The following PRKCE variants were observed in gnomAD, a reference collection of about 807,000 sequenced individuals.
PRKCE encodes the protein protein kinase C epsilon type.
In PRKCE, 16 loss-of-function variants were observed where a neutral mutation model predicts 85.4. That is an observed-to-expected ratio of 0.19 (90% CI 0.13 to 0.28). PRKCE has a LOEUF of 0.28. Among genes scored for constraint, PRKCE ranks in the 10% least tolerant of loss-of-function variants. The pLI is 1.00. For synonymous variants in PRKCE, 388 were observed against 371.5 expected (o/e 1.04, Z -0.51); for missense variants, 573 against 975.2 (o/e 0.59, Z 5.49).
At chr2:45,929,334 G>A (rs891784341) in intron 2 of PRKCE, among the ~76,000 whole-genome samples, 2 of 152,168 alleles carry the variant, frequency 1.3e-5, no homozygotes, top group Non-Finnish European at 2.9e-5. Context: ...GAGCGATAGC[G>A]GAGCCGTTCC....
intron 1 of PRKCE, among the ~76,000 whole-genome samples, chr2:45,666,278 C>G (rs1344060709): frequency 1.3e-5 from 2 of 152,092 alleles, no homozygotes; most frequent in Non-Finnish European, 2.9e-5. Flanking sequence ...TCCCTGGAAT[C>G]CAGGGGATTT....
intron 1 of PRKCE, among the ~76,000 whole-genome samples, chr2:45,659,690 C>A (rs1675545893): frequency 6.6e-6 from 1 of 152,162 alleles, no homozygotes; most frequent in Non-Finnish European, 1.5e-5. Context: ...TTACCCTTGC[C>A]ATCCCATTTT....
chr2:46,090,229 A>T (rs754593076), intron 11 of PRKCE, among the ~76,000 whole-genome samples: 9 of 152,090 alleles, frequency 5.9e-5, no homozygotes, highest in Non-Finnish European at 1.0e-4. Flanking sequence ...GGAGTTCAGG[A>T]ATTTGTATTT....
intron 2 of PRKCE, among the ~76,000 whole-genome samples, chr2:45,951,192 T>C (rs571304623): frequency 6.6e-5 from 10 of 152,302 alleles, no homozygotes; most frequent in South Asian, 2.1e-4. Context: ...CCCAGTGGAA[T>C]TGGGGAGTGG....
At chr2:45,891,255 G>A (rs752657835) in intron 2 of PRKCE, among the ~76,000 whole-genome samples, 3 of 152,186 alleles carry the variant, frequency 2.0e-5, no homozygotes, top group Non-Finnish European at 2.9e-5. Flanking sequence ...CAGAAAGAGC[G>A]ACCAGAAATG....
intron 10 of PRKCE, among the ~76,000 whole-genome samples, chr2:46,038,848 T>A (rs191030875): frequency 1.5e-4 from 23 of 152,354 alleles, no homozygotes; most frequent in Admixed American, 1.1e-3. Flanking sequence ...TTTTTCTTAA[T>A]GTTGATTGAG....
chr2:45,860,991 G>A (rs1317578302), intron 2 of PRKCE, among the ~76,000 whole-genome samples: 1 of 152,198 alleles, frequency 6.6e-6, no homozygotes, highest in Non-Finnish European at 1.5e-5. Flanking sequence ...TGATGCCAGC[G>A]CTTGTGTGCT....
intron 1 of PRKCE, among the ~76,000 whole-genome samples, chr2:45,840,070 G>C (rs1343954611): frequency 6.6e-6 from 1 of 152,128 alleles, no homozygotes; most frequent in Non-Finnish European, 1.5e-5. Context: ...GCCTGCCTTT[G>C]GATAGGCCCC....
chr2:45,766,898 G>T (rs769864171), intron 1 of PRKCE, among the ~76,000 whole-genome samples: 6 of 152,102 alleles, frequency 3.9e-5, no homozygotes, highest in Non-Finnish European at 8.8e-5. Context: ...AAAATTAGCC[G>T]GGCATGATGG....
Position 46,185,051 on chromosome 2 carries a change from C to T in PRKCE, c.*170C>T. 1.1e-6 allele frequency: 1 copy of T among 889,996 alleles called. No homozygotes were observed. Among genetic ancestry groups the T allele is most frequent in the Non-Finnish European group, 1.7e-6 (1 of 599,062 alleles). 55.1% of individuals were successfully genotyped at this position (889,996 alleles called of 1,614,324 possible). A position where few individuals can be genotyped will look rare whatever the true frequency, so the allele number is the denominator to read the frequency against. On this transcript the variant is annotated 3_prime_UTR_variant, in exon 15 of 15. Transcript: ENST00000306156. This position sits in a 1 kb window ranked among gnomAD's most constrained non-coding sequence, Gnocchi z 4.7. ...TGCCCCAGGCCACCTCCTCCCCCTCCCACCTGGTGACCAGAAGGCGCTCTC... is the reference window on the plus strand; with the variant it reads ...TGCCCCAGGCCACCTCCTCCCCCTCTCACCTGGTGACCAGAAGGCGCTCTC...
At chr2:46,172,294 T>C (rs1678988158) in intron 14 of PRKCE, among the ~76,000 whole-genome samples, 1 of 152,174 alleles carries the variant, frequency 6.6e-6, no homozygotes, top group Non-Finnish European at 1.5e-5. Context: ...TAGCGACATA[T>C]CCAGGCCATT....
intron 6 of PRKCE, among the ~76,000 whole-genome samples, chr2:45,995,843 T>G (rs1227174739): frequency 3.3e-5 from 5 of 152,216 alleles, no homozygotes. Flanking sequence ...TTGGGTCTTT[T>G]GCCTGGGTCT....
intron 1 of PRKCE, among the ~76,000 whole-genome samples, chr2:45,720,790 G>A (rs1376932171): frequency 1.3e-5 from 2 of 152,160 alleles, no homozygotes; most frequent in African/African-American, 2.4e-5. Context: ...GGGCTCAAGA[G>A]CGTTACTACT....
At chr2:46,181,296 A>T (rs1239983002) in intron 14 of PRKCE, among the ~76,000 whole-genome samples, 4 of 152,162 alleles carry the variant, frequency 2.6e-5, no homozygotes, top group Non-Finnish European at 5.9e-5. Context: ...TAACAGTTAG[A>T]GATTGCACAT....
chr2:45,763,428 T>G (rs1684672508), intron 1 of PRKCE, among the ~76,000 whole-genome samples: 1 of 152,172 alleles, frequency 6.6e-6, no homozygotes, highest in Admixed American at 6.5e-5. Context: ...TGAAATGATT[T>G]CATAACATTT....
At chr2:45,882,725 C>T (rs375346098) in intron 2 of PRKCE, among the ~76,000 whole-genome samples, 16 of 152,354 alleles carry the variant, frequency 1.1e-4, no homozygotes, top group African/African-American at 3.6e-4. Flanking sequence ...AGACAGGGAA[C>T]AGAAAGGAGC....
At chr2:46,106,681 C>A (rs899091833) in intron 11 of PRKCE, among the ~76,000 whole-genome samples, 1 of 152,216 alleles carries the variant, frequency 6.6e-6, no homozygotes, top group African/African-American at 2.4e-5. Flanking sequence ...GGTGTCTTTT[C>A]TGTGTGTCTG....
At chr2:45,656,346 A>G (rs926114697) in intron 1 of PRKCE, among the ~76,000 whole-genome samples, 1 of 152,218 alleles carries the variant, frequency 6.6e-6, no homozygotes, top group Admixed American at 6.5e-5. Flanking sequence ...CTTCGGAAAC[A>G]TTGGAGTAGG....
rs565454610 is a variant in PRKCE at position 46,166,912 on chromosome 2, G to C, written c.2067+7160G>C. 3.9e-5 allele frequency: 6 copies of C among 152,238 alleles called. 1 individual carries two copies. The highest frequency in any genetic ancestry group is 1.4e-4 in the African/African-American group (6 of 41,524). 9.4% of individuals were successfully genotyped at this position (152,238 alleles called of 1,614,324 possible). On this transcript the variant is annotated intron_variant, in intron 14 of 14. Coordinates refer to ENST00000306156, the MANE Select transcript of PRKCE (RefSeq NM_005400.3). ...AGGCTGGGGTGGGAGGATCGCTTGA[G>C]CTCAGGAGGTTGAGGCTGTAGTGAG...
Sources: gnomAD v4.1 joint callset for allele counts (sites outside exome capture counted in the v4.1 genomes callset) on GRCh38, gnomAD v4.1.1 for gene constraint, Gnocchi (gnomAD v3.1) non-coding constraint, MANE v1.5 for transcripts, NCBI Gene and HGNC (gene_info 2026-07-23, HGNC 2026-07-21) for gene names.